Variants in ABCF1 observed in about 807,000 individuals in gnomAD.
The protein encoded by ABCF1 is ATP-binding cassette sub-family F member 1.
ABCF1 carries 73 observed loss-of-function variants against 126.3 expected under a neutral mutation model. The ratio of observed to expected loss-of-function variants is 0.58; its 90% CI spans 0.48 to 0.70. ABCF1 has a LOEUF of 0.70. Ranked by LOEUF, ABCF1 falls within the 30% of genes least tolerant of loss-of-function variation. The pLI, the probability that ABCF1 is intolerant of heterozygous loss-of-function variation, is 0.00. For synonymous variants in ABCF1, 345 were observed against 396.4 expected, an observed-to-expected ratio of 0.87 and a Z score of 1.54; for missense variants, 786 against 1,057.5, an observed-to-expected ratio of 0.74 and a Z score of 3.56.
intron 8 of ABCF1, among the ~76,000 whole-genome samples, chr6:30,582,045 C>T (rs1801841212): frequency 6.6e-6 from 1 of 151,396 alleles, no homozygotes; most frequent in Non-Finnish European, 1.5e-5. Context: ...TAGAAGGAGT[C>T]CCTAGTTTTT....
At chr6:30,575,565 C>G (rs1306050193) in intron 1 of ABCF1, among the ~76,000 whole-genome samples, 18 of 151,856 alleles carry the variant, frequency 1.2e-4, no homozygotes. Flanking sequence ...AGGGGGAGAG[C>G]TAGAATCTGT....
At chr6:30,572,106 C>T (rs771882378) in intron 1 of ABCF1, among the ~76,000 whole-genome samples, 1 of 152,186 alleles carries the variant, frequency 6.6e-6, no homozygotes, top group African/African-American at 2.4e-5. Context: ...GTTTGTTAAG[C>T]GCTTGTTTTT....
At position 30,580,005 on chromosome 6, in the gene ABCF1, G is replaced by A. The variant is rs753547389; in HGVS notation, c.564G>A (p.Lys188=). Residue 188 remains lysine, a splice_region_variant and synonymous_variant, in exon 7 of 25, where the codon AAG becomes AAA. Transcript: ENST00000326195. ...AAGAGAAGTCAAAAGGGAAGGCTAA[G>A]GTGAGAGAGTAACTAGCAGGAGGAG... is the stretch of plus-strand genomic sequence containing the variant. ...GKEEKSKGKA[K]PQNKFAALDN... 7.4e-6 allele frequency: 12 copies of A among 1,612,380 alleles called. No homozygotes were observed. Among genetic ancestry groups the A allele is most frequent in the African/African-American group, 1.3e-5 (1 of 74,902 alleles).
chr6:30,577,008 G>A (rs928596612), intron 1 of ABCF1, among the ~76,000 whole-genome samples: 2 of 152,086 alleles, frequency 1.3e-5, no homozygotes, highest in Non-Finnish European at 2.9e-5. Context: ...TAGAGAGGCC[G>A]CCACCAGAGA....
At chr6:30,590,110 G>A (rs750507576) in intron 22 of ABCF1, 39 bp from the exon 23 acceptor site, 1 of 1,612,686 alleles carries the variant, frequency 6.2e-7, no homozygotes, top group South Asian at 1.1e-5. Flanking sequence ...CAGAATGTGA[G>A]GTGCTAGGTG....
In ABCF1 at chr6:30,589,924, G is replaced by T. The variant is rs534029778; in HGVS notation, c.2183G>T (p.Arg728Leu). The T allele has an allele frequency of 6.2e-7, 1 of 1,614,058 alleles. No individual in the cohort carries two copies. The highest frequency in any genetic ancestry group is 1.1e-5 in the South Asian group (1 of 91,084). The change falls in exon 22 of 25, where the codon CGC (arginine) becomes CTC (leucine). Residue 728 changes from arginine to leucine, a missense_variant. This residue lies in a region of ABCF1 where 288 missense variants were observed against 423.5 expected (regional missense o/e 0.68). Coordinates refer to ENST00000326195, the MANE Select transcript of ABCF1 (RefSeq NM_001025091.2). ...CAGGATGCCCGCAAGTGCCTGGGCC[G>T]CTTCGGCCTGGAGAGTCACGCCCAC... ...PYQDARKCLG[R>L]FGLESHAHTI...
rs772793321 is a variant in ABCF1, at chr6:30,590,611, T to C, written c.2448T>C (p.Ser816=). 1.9e-5 allele frequency: 31 copies of C among 1,612,684 alleles called. No individual in the cohort carries two copies. Among genetic ancestry groups the C allele is most frequent in the Non-Finnish European group, 2.5e-5 (29 of 1,179,968 alleles). ...AGCTGTGGGTGGTGGAGGAGCAGAG[T>C]GTTAGCCAAATCGATGGTGACTTTG... The part of the protein sequence containing the change: ...NCQLWVVEEQ[S]VSQIDGDFED... Residue 816 remains serine (S), a synonymous_variant, in exon 25 of 25, where the codon AGT becomes AGC. Transcript: ENST00000326195.
intron 1 of ABCF1, among the ~76,000 whole-genome samples, chr6:30,575,550 T>C (rs1801454882): frequency 6.6e-6 from 1 of 151,868 alleles, no homozygotes; most frequent in South Asian, 2.1e-4. Context: ...GAAACAAGGA[T>C]GGAGAGGGGG....
chr6:30,590,371 C>T lies in ABCF1; in HGVS notation c.2364C>T (p.Tyr788=). 6.2e-7 allele frequency: 1 copy of T among 1,609,226 alleles called. No homozygotes were observed. The highest frequency in any genetic ancestry group is 8.5e-7 in the Non-Finnish European group (1 of 1,177,792). ...IDALGEAINE[Y]KGAVIVVSHD... is the part of the protein sequence containing the mutation. The stretch of plus-strand genomic sequence containing the variant: ...CTCTAGGGGAGGCCATCAATGAATA[C>T]AAGGGTGGTAAGTCAGCTGAGAGTG... Residue 788 remains tyrosine (Y), a synonymous_variant, in exon 24 of 25, where the codon TAC becomes TAT. Transcript: ENST00000326195.
intron 14 of ABCF1, among the ~76,000 whole-genome samples, 199 bp from the exon 15 acceptor site, chr6:30,585,061 T>C (rs1802036726): frequency 6.6e-6 from 1 of 152,002 alleles, no homozygotes; most frequent in African/African-American, 2.4e-5. Context: ...GCCCTTATTG[T>C]GCCACTGCAC....
chr6:30,586,539 G>T lies in ABCF1; in HGVS notation c.1951G>T (p.Asp651Tyr), dbSNP rs1414436733. 1 of 1,613,356 alleles carries T rather than the reference G, an allele frequency of 6.2e-7. No homozygotes were observed. The highest frequency in any genetic ancestry group is 1.7e-5 in the Admixed American group (1 of 60,018). ...GAACTTGGATTTTGGCATCGACATGGATTCAAGGAGTGAGTTGGCGGGGTT... is the reference window on the plus strand; with the variant it reads ...GAACTTGGATTTTGGCATCGACATGTATTCAAGGAGTGAGTTGGCGGGGTT... ...FKNLDFGIDM[D>Y]SRICIVGPNG... Residue 651 changes from aspartate to tyrosine, a missense_variant, in exon 19 of 25, where the codon GAT becomes TAT. By Grantham distance (160) the Asp-to-Tyr change is radical. Coordinates refer to ENST00000326195, the MANE Select transcript of ABCF1 (RefSeq NM_001025091.2). The surrounding 1 kb of genome is among the most constrained non-coding windows in gnomAD (Gnocchi z 4.9).
rs1802451302 is a variant in ABCF1 at position 30,591,447 on chromosome 6, T to A, written c.*746T>A. ...CTTGTTTGCAGTCTTGCTGACAGTG[T>A]TTGCTGTTTAAGGATCATAGGATTC... On this transcript the variant is annotated 3_prime_UTR_variant, in exon 25 of 25. Coordinates refer to ENST00000326195, the MANE Select transcript of ABCF1 (RefSeq NM_001025091.2). 6.6e-6 allele frequency: 1 copy of A among 152,172 alleles called. No individual in the cohort carries two copies. Among genetic ancestry groups the A allele is most frequent in the Non-Finnish European group, 1.5e-5 (1 of 68,052 alleles). 9.4% of individuals were successfully genotyped at this position (152,172 alleles called of 1,614,324 possible).
chr6:30,578,512 G>A lies in ABCF1; in HGVS notation c.424G>A (p.Glu142Lys). Reference sequence around the variant, plus strand: ...AGCCCTGATTCAGGATCAGAGTGAGGAAGAGGAGGAGGAAGAAAAACATCC... The same window carrying A: ...AGCCCTGATTCAGGATCAGAGTGAGAAAGAGGAGGAGGAAGAAAAACATCC... ...FAALIQDQSE[E>K]EEEEEKHPPK... is the part of the protein sequence containing the mutation. Residue 142 changes from glutamate to lysine, a missense_variant, in exon 6 of 25, where the codon GAA becomes AAA. Transcript: ENST00000326195. 4 of 1,614,000 alleles carry A rather than the reference G, an allele frequency of 2.5e-6. No homozygotes were observed. Among genetic ancestry groups the A allele is most frequent in the Non-Finnish European group, 3.4e-6 (4 of 1,179,992 alleles).
In ABCF1 at chr6:30,584,366, C is replaced by G; in HGVS notation, c.1242+35C>G. ...ATGGCGCAGGGGACACGGGCAAAGA[C>G]TTGGGGGTTCCTGGGACCCTCAGAC... On this transcript the variant is annotated intron_variant, in intron 13 of 24. Coordinates refer to ENST00000326195, the MANE Select transcript of ABCF1 (RefSeq NM_001025091.2). This position sits in a 1 kb window ranked among gnomAD's most constrained non-coding sequence, Gnocchi z 4.6. 6.2e-7 allele frequency: 1 copy of G among 1,613,084 alleles called. No individual in the cohort carries two copies. The highest frequency in any genetic ancestry group is 1.3e-5 in the African/African-American group (1 of 75,044).
At position 30,578,202 on chromosome 6, in the gene ABCF1, G is replaced by C; in HGVS notation, c.343G>C (p.Val115Leu). 4.3e-6 allele frequency: 7 copies of C among 1,613,794 alleles called. No individual in the cohort carries two copies. Among genetic ancestry groups the C allele is most frequent in the Non-Finnish European group, 5.9e-6 (7 of 1,179,954 alleles). The change falls in exon 4 of 25, where the codon GTA becomes CTA. Residue 115 changes from valine to leucine, a missense_variant and splice_region_variant. By Grantham distance (32) the Val-to-Leu change is conservative. Coordinates refer to ENST00000326195, the MANE Select transcript of ABCF1 (RefSeq NM_001025091.2). ...GCCAACCAGTGATGAGGAGGATGAA[G>C]GTAAATGACCTGAGGGGGAATGGGT... The part of the protein sequence containing the change: ...SVPTSDEEDE[V>L]PAPKPRGGKK...
intron 1 of ABCF1, among the ~76,000 whole-genome samples, chr6:30,573,484 A>C (rs1181987957): frequency 6.6e-6 from 1 of 152,210 alleles, no homozygotes; most frequent in Non-Finnish European, 1.5e-5. Context: ...GATATGGAAG[A>C]GTCCCCTAGA....
At position 30,583,649 on chromosome 6, in the gene ABCF1, C is replaced by G. The variant is rs11552605; in HGVS notation, c.957C>G (p.Phe319Leu). The G allele has an allele frequency of 1.2e-6, 2 of 1,613,964 alleles. No homozygotes were observed. Among genetic ancestry groups the G allele is most frequent in the South Asian group, 2.2e-5 (2 of 91,082 alleles). The part of the protein sequence containing the change: ...FSISAHGKEL[F>L]VNADLYIVAG... ...TCTCCGCTCATGGCAAGGAGCTGTT[C>G]GTCAATGCAGACCTGTACATTGTAG... The change falls in exon 11 of 25, where the codon TTC becomes TTG. Residue 319 changes from phenylalanine (F) to leucine (L), a missense_variant. Phe to Leu is a conservative substitution (Grantham distance 22). Around this residue, in one of 4 missense-constraint regions of ABCF1, gnomAD observed 163 missense variants for 255.3 expected, o/e 0.64. Transcript: ENST00000326195. This position sits in a 1 kb window ranked among gnomAD's most constrained non-coding sequence, Gnocchi z 4.1.
intron 7 of ABCF1, 114 bp from the exon 8 acceptor site, chr6:30,580,292 A>G (rs920018768): frequency 2.5e-5 from 20 of 813,774 alleles, no homozygotes; most frequent in East Asian, 3.3e-5. Flanking sequence ...GCTTGCAGTG[A>G]GCCGAGATTG....
At chr6:30,579,787 T>C in intron 6 of ABCF1, 144 bp from the exon 7 acceptor site, 1 of 651,896 alleles carries the variant, frequency 1.5e-6, no homozygotes, top group Non-Finnish European at 2.3e-6. Context: ...AAGTTTCTGG[T>C]GGGTTTATCG....
Sources: allele counts gnomAD v4.1 joint callset (sites outside exome capture counted in the v4.1 genomes callset), GRCh38; gene constraint gnomAD v4.1.1; regional missense constraint gnomAD v4.1.1; non-coding constraint Gnocchi (gnomAD v3.1); transcripts MANE v1.5; gene names NCBI Gene and HGNC (gene_info 2026-07-23, HGNC 2026-07-21).